The following SORCS2 variants were observed in gnomAD, a reference collection of about 807,000 sequenced individuals.
SORCS2 encodes sortilin related VPS10 domain containing receptor 2, also known as VPS10 domain-containing receptor SorCS2.
Under a neutral mutation model 141.6 loss-of-function variants are expected in SORCS2, and 100 were observed. The ratio of observed to expected loss-of-function variants is 0.71; its 90% confidence interval spans 0.60 to 0.83. The LOEUF (loss-of-function observed/expected upper bound fraction) is 0.83, where lower values mean the gene tolerates loss of function less well. Among genes scored for constraint, SORCS2 ranks in the 40% least tolerant of loss-of-function variants. The pLI is 0.00. For synonymous variants in SORCS2, 789 were observed against 676.9 expected (o/e 1.17, Z -2.57); for missense variants, 1,646 against 1,560.2 (o/e 1.05, Z -0.93).
intron 3 of SORCS2, among the ~76,000 whole-genome samples, chr4:7,594,514 G>A (rs1264378791): frequency 6.6e-6 from 1 of 152,218 alleles, no homozygotes; most frequent in Non-Finnish European, 1.5e-5. Context: ...TCCGGGGTGG[G>A]TGTGAGATCA....
intron 1 of SORCS2, among the ~76,000 whole-genome samples, chr4:7,248,226 G>A (rs1433471291): frequency 1.3e-5 from 2 of 152,216 alleles, no homozygotes; most frequent in Non-Finnish European, 2.9e-5. Flanking sequence ...GGGTCCTTGC[G>A]GGGCTCAGCT....
intron 1 of SORCS2, among the ~76,000 whole-genome samples, chr4:7,314,266 C>A (rs1718396611): frequency 6.6e-6 from 1 of 152,046 alleles, no homozygotes; most frequent in South Asian, 2.1e-4. Context: ...CGGGATGCGA[C>A]ATGCAGGGCT....
intron 7 of SORCS2, among the ~76,000 whole-genome samples, chr4:7,665,772 G>C (rs1047591841): frequency 2.0e-5 from 3 of 152,214 alleles, no homozygotes; most frequent in Admixed American, 2.0e-4. Flanking sequence ...CTAAGTACCA[G>C]AGCAAAGACA....
chr4:7,284,152 A>G (rs896447232), intron 1 of SORCS2, among the ~76,000 whole-genome samples: 1 of 152,070 alleles, frequency 6.6e-6, no homozygotes, highest in Non-Finnish European at 1.5e-5. Flanking sequence ...CGCCCCCTTC[A>G]CTCAAGCACG....
chr4:7,589,235 G>T (rs899580582), intron 3 of SORCS2, among the ~76,000 whole-genome samples: 23 of 152,330 alleles, frequency 1.5e-4, no homozygotes, highest in Middle Eastern at 3.4e-3. Context: ...GGTGAAATAT[G>T]ACATCAACAG....
intron 12 of SORCS2, 100 bp from the exon 13 acceptor site, chr4:7,703,180 C>A: frequency 2.2e-6 from 2 of 925,614 alleles, no homozygotes; most frequent in Non-Finnish European, 3.2e-6. Context: ...CAACAACCCC[C>A]GGCTGCACAT....
intron 13 of SORCS2, 29 bp from the exon 14 acceptor site, chr4:7,704,148 C>T (rs1725262703): frequency 1.3e-6 from 2 of 1,595,656 alleles, no homozygotes; most frequent in Non-Finnish European, 1.7e-6. Flanking sequence ...CAGCCCACCC[C>T]AGAGATGCTG....
chr4:7,595,814 G>C (rs1400674926), intron 3 of SORCS2, among the ~76,000 whole-genome samples: 1 of 152,162 alleles, frequency 6.6e-6, no homozygotes, highest in Non-Finnish European at 1.5e-5. Flanking sequence ...CATTAAGAAT[G>C]TTTCTCAAGC....
intron 1 of SORCS2, among the ~76,000 whole-genome samples, chr4:7,283,306 C>T (rs897253701): frequency 3.3e-5 from 5 of 152,194 alleles, no homozygotes; most frequent in Non-Finnish European, 5.9e-5. Flanking sequence ...GAGAGAATGA[C>T]TTGAGGAAGA....
intron 1 of SORCS2, among the ~76,000 whole-genome samples, chr4:7,325,888 T>C (rs1283885021): frequency 6.6e-6 from 1 of 152,086 alleles, no homozygotes; most frequent in East Asian, 1.9e-4. Flanking sequence ...ATCCATGCAC[T>C]GGCGGGCGGG....
intron 3 of SORCS2, among the ~76,000 whole-genome samples, chr4:7,553,994 A>G (rs1423994569): frequency 6.6e-6 from 1 of 152,254 alleles, no homozygotes; most frequent in East Asian, 1.9e-4. Flanking sequence ...GGAAAAGAAC[A>G]TGCAAGGAAA....
chr4:7,697,928 G>T (rs1724816556), intron 12 of SORCS2, among the ~76,000 whole-genome samples: 1 of 152,190 alleles, frequency 6.6e-6, no homozygotes, highest in African/African-American at 2.4e-5. Context: ...GGGTCCCTCT[G>T]TGCTCCATGC....
At chr4:7,619,053 A>G (rs1718962722) in intron 3 of SORCS2, among the ~76,000 whole-genome samples, 1 of 152,054 alleles carries the variant, frequency 6.6e-6, no homozygotes, top group East Asian at 1.9e-4. Flanking sequence ...ACAATCTGTG[A>G]TGTGCACCCA....
At chr4:7,668,007 G>A (rs957519206) in intron 8 of SORCS2, among the ~76,000 whole-genome samples, 4 of 152,188 alleles carry the variant, frequency 2.6e-5, no homozygotes, top group Non-Finnish European at 5.9e-5. Flanking sequence ...ACCTTCTGAA[G>A]ATCTCTGTCC....
intron 1 of SORCS2, among the ~76,000 whole-genome samples, chr4:7,321,473 C>T (rs1718889978): frequency 1.3e-5 from 2 of 152,184 alleles, no homozygotes; most frequent in East Asian, 3.8e-4. Flanking sequence ...TGCTCTACAC[C>T]AACAATGCCC....
intron 2 of SORCS2, among the ~76,000 whole-genome samples, chr4:7,498,860 G>C (rs544956302): frequency 1.3e-5 from 2 of 152,296 alleles, no homozygotes; most frequent in South Asian, 4.1e-4. Flanking sequence ...AGGGACGAGT[G>C]CCCAGGGAGC....
At chr4:7,401,966 C>T (rs558614144) in intron 2 of SORCS2, among the ~76,000 whole-genome samples, 4 of 152,316 alleles carry the variant, frequency 2.6e-5, no homozygotes, top group African/African-American at 7.2e-5. Flanking sequence ...TGCCCAGGTA[C>T]TCATGAAACA....
chr4:7,297,278 C>T (rs185135222), intron 1 of SORCS2, among the ~76,000 whole-genome samples: 14 of 152,294 alleles, frequency 9.2e-5, no homozygotes, highest in African/African-American at 2.9e-4. Context: ...AGGGAGGAAT[C>T]GGTGAATGAG....
At chr4:7,394,813 C>T (rs1414581907) in intron 1 of SORCS2, among the ~76,000 whole-genome samples, 31 of 152,120 alleles carry the variant, frequency 2.0e-4, no homozygotes, top group Non-Finnish European at 2.9e-5. Flanking sequence ...GAGGCCAGGG[C>T]AGAGCCTGGA....
Sources: allele counts gnomAD v4.1 joint callset (sites outside exome capture counted in the v4.1 genomes callset), GRCh38; gene constraint gnomAD v4.1.1; transcripts MANE v1.5; gene names NCBI Gene and HGNC (gene_info 2026-07-23, HGNC 2026-07-21).